The following ZNF800 variants were observed in gnomAD, a reference collection of about 807,000 sequenced individuals.
ZNF800 encodes zinc finger protein 800.
In ZNF800, 13 loss-of-function variants were observed where a neutral mutation model predicts 59.5. The observed-to-expected ratio is 0.22, with a 90% CI of 0.14 to 0.35. ZNF800 has a LOEUF of 0.35. Ranked by LOEUF, ZNF800 falls within the 10% of genes least tolerant of loss-of-function variation. ZNF800 has a pLI of 1.00. For synonymous variants in ZNF800, 266 were observed against 265.7 expected (o/e 1.00, Z -0.01); for missense variants, 621 against 783.7 (o/e 0.79, Z 2.48).
intron 5 of ZNF800, 143 bp from the exon 6 acceptor site, chr7:127,371,957 C>A: frequency 1.7e-6 from 1 of 585,628 alleles, no homozygotes; most frequent in Non-Finnish European, 3.1e-6. Flanking sequence ...GATAATCAAA[C>A]CACAACATTT....
chr7:127,391,662 G>A, intron 1 of ZNF800, 47 bp from the exon 2 acceptor site: 1 of 999,910 alleles, frequency 1.0e-6, no homozygotes. Context: ...ACTTCCTGGG[G>A]GGCACTGGCT....
chr7:127,350,234 TAC>T (rs1800146207), intron 1 of ZNF800: 1 of 152,216 alleles, frequency 6.6e-6, no homozygotes, highest in Non-Finnish European at 1.5e-5. Context: ...CAGAAGTGCA[TAC>T]ACCATTTACT....
At chr7:127,360,231 T>C (rs1214381260) in intron 1 of ZNF800, 1 of 152,152 alleles carries the variant, frequency 6.6e-6, no homozygotes, top group Non-Finnish European at 1.5e-5. Context: ...TGCAATCTGA[T>C]AGATGTGGAG....
At position 127,392,140 on chromosome 7, in the gene ZNF800, G is replaced by C. The variant is rs1448945375; in HGVS notation, c.-139C>G. On this transcript the variant is annotated 5_prime_UTR_variant, in exon 1 of 6. Transcript: ENST00000265827. ...GCCGCGGGGACAGCCTGGCGTGGGA[G>C]GCGGCTGCGGGCCCCACCTGGCGCA... 1 of 394,490 alleles carries C rather than the reference G, an allele frequency of 2.5e-6. No homozygotes were observed. The highest frequency in any genetic ancestry group is 2.1e-5 in the African/African-American group (1 of 48,492). The allele number at this position is 394,490 out of a possible 1,614,324, so 24.4% of individuals were successfully genotyped here.
exon 2 of ZNF800, chr7:127,347,587 G>GGAC (rs1483534199): frequency 6.6e-6 from 1 of 152,318 alleles, no homozygotes; most frequent in East Asian, 1.9e-4. Context: ...GGCAGGCAGA[G>GGAC]GACGTGCTGC....
At chr7:127,351,501 A>G (rs1314863433) in intron 1 of ZNF800, 1 of 152,244 alleles carries the variant, frequency 6.6e-6, no homozygotes, top group Non-Finnish European at 1.5e-5. Context: ...GTTTTCCTGA[A>G]TCTTCTTTGC....
At chr7:127,363,850 G>A (rs1800445380) in intron 1 of ZNF800, 1 of 151,950 alleles carries the variant, frequency 6.6e-6, no homozygotes, top group African/African-American at 2.4e-5. Context: ...AATAAACATA[G>A]AAGATGAAAA....
downstream of ZNF800, among the ~76,000 whole-genome samples, chr7:127,367,820 CAA>C (rs1800545724): frequency 6.6e-6 from 1 of 152,120 alleles, no homozygotes; most frequent in Admixed American, 6.6e-5. Context: ...ACAAAATTAT[CAA>C]GAGAGTCCCT....
intron 4 of ZNF800, 33 bp from the exon 5 acceptor site, chr7:127,375,067 G>A: frequency 6.7e-7 from 1 of 1,495,612 alleles, no homozygotes; most frequent in South Asian, 1.4e-5. Flanking sequence ...TTAATCTGAA[G>A]TAATTAGCCT....
chr7:127,358,558 A>G (rs1800323112), intron 1 of ZNF800, among the ~76,000 whole-genome samples: 1 of 152,128 alleles, frequency 6.6e-6, no homozygotes. Context: ...GGTACATAAA[A>G]GCCTTCTTGA....
intron 3 of ZNF800, among the ~76,000 whole-genome samples, chr7:127,385,628 C>T (rs1801116796): frequency 6.6e-6 from 1 of 152,066 alleles, no homozygotes; most frequent in Admixed American, 6.6e-5. Flanking sequence ...GAGGTGATCA[C>T]ACAAACATAA....
intron 3 of ZNF800, among the ~76,000 whole-genome samples, chr7:127,380,675 A>G (rs1800951361): frequency 6.6e-6 from 1 of 152,234 alleles, no homozygotes; most frequent in Non-Finnish European, 1.5e-5. Flanking sequence ...CACCTGAGAC[A>G]ACAGACATGG....
At chr7:127,345,559 CCT>C (rs1311356549), downstream of ZNF800, among the ~76,000 whole-genome samples, 4 of 152,174 alleles carry the variant, frequency 2.6e-5, no homozygotes, top group Non-Finnish European at 4.4e-5. Context: ...TTCCTAGGCC[CCT>C]GAGGTGCAGA....
chr7:127,373,060 C>A, intron 5 of ZNF800: 1 of 985,338 alleles, frequency 1.0e-6, no homozygotes, highest in Non-Finnish European at 1.2e-6. Context: ...ATATATTTTA[C>A]AACATTAAAA....
chr7:127,375,066 A>G (rs762787475), intron 4 of ZNF800, 32 bp from the exon 5 acceptor site: 2 of 1,502,938 alleles, frequency 1.3e-6, no homozygotes, highest in Non-Finnish European at 1.8e-6. Flanking sequence ...TTTAATCTGA[A>G]GTAATTAGCC....
At chr7:127,387,604 TA>T (rs1465570247) in intron 2 of ZNF800, among the ~76,000 whole-genome samples, 2 of 152,194 alleles carry the variant, frequency 1.3e-5, no homozygotes, top group Admixed American at 1.3e-4. Flanking sequence ...CTCAGGCCTG[TA>T]ATCCCAGCAC....
intron 1 of ZNF800, chr7:127,349,887 C>T (rs747632141): frequency 6.6e-6 from 1 of 152,188 alleles, no homozygotes; most frequent in Non-Finnish European, 1.5e-5. Context: ...ACTATTCATA[C>T]AGTGATTTCA....
chr7:127,391,167 T>C (rs1801299758), intron 2 of ZNF800, among the ~76,000 whole-genome samples: 1 of 152,234 alleles, frequency 6.6e-6, no homozygotes, highest in Non-Finnish European at 1.5e-5. Flanking sequence ...TCTAGTATTC[T>C]ATGTTTTCCT....
chr7:127,357,533 T>C (rs4731350), intron 1 of ZNF800, among the ~76,000 whole-genome samples: 118,113 of 151,958 alleles, frequency 0.78, 46,162 homozygotes, highest in East Asian at 0.95. Flanking sequence ...GACATAGTAC[T>C]TGCCTAGATC....
Sources: gnomAD v4.1 joint callset for allele counts (sites outside exome capture counted in the v4.1 genomes callset) on GRCh38, gnomAD v4.1.1 for gene constraint, MANE v1.5 for transcripts, NCBI Gene and HGNC (gene_info 2026-07-23, HGNC 2026-07-21) for gene names.